Variants in TMPRSS4 observed in about 807,000 individuals in gnomAD.
TMPRSS4 encodes transmembrane serine protease 4, also known as transmembrane protease serine 4.
In TMPRSS4, 45 loss-of-function variants were observed where a neutral mutation model predicts 56.4. That is an observed-to-expected ratio of 0.80 (90% CI 0.63 to 1.02). TMPRSS4 has a LOEUF of 1.02. TMPRSS4 is among the 50% of genes least tolerant of loss of function. The pLI, the probability that TMPRSS4 is intolerant of heterozygous loss-of-function variation, is 0.00. For missense variants in TMPRSS4, 546 were observed against 556.7 expected, an observed-to-expected ratio of 0.98 and a Z score of 0.19; for synonymous variants, 205 against 211.0, an observed-to-expected ratio of 0.97 and a Z score of 0.25.
Position 118,118,975 on chromosome 11 carries a change from T to TA in TMPRSS4, c.*1065dup. 1 of 985,402 alleles carries TA rather than the reference T, an allele frequency of 1.0e-6. No homozygotes were observed. The highest frequency in any genetic ancestry group is 1.2e-6 in the Non-Finnish European group (1 of 829,918). The allele number at this position is 985,402 out of a possible 1,614,324, so 61.0% of individuals were successfully genotyped here. ...CCTGCACTCAAAATGGTCAAAGAAT[T>TA]AAACCCCATGGACTTTTTTGGCATC... On this transcript the variant is annotated 3_prime_UTR_variant, in exon 13 of 13. Coordinates refer to ENST00000437212, the MANE Select transcript of TMPRSS4 (RefSeq NM_019894.4).
At chr11:118,111,595 A>C in intron 7 of TMPRSS4, 146 bp from the exon 8 acceptor site, 1 of 566,226 alleles carries the variant, frequency 1.8e-6, no homozygotes, top group South Asian at 2.7e-5. Context: ...ACCTCCCATG[A>C]ATATCTCATA....
rs113325846 is a variant in TMPRSS4 at position 118,095,961 on chromosome 11, C to T, written c.43+1106C>T. ...TTAACTTAAACTAGGTATGAAAGCT[C>T]GTTCCTTCCTGATGGGGGAAGCAGA... is the stretch of plus-strand genomic sequence containing the variant. On this transcript the variant is annotated intron_variant, in intron 2 of 12. Coordinates refer to ENST00000437212, the MANE Select transcript of TMPRSS4 (RefSeq NM_019894.4). Among the ~76,000 whole-genome samples the T allele has an allele frequency of 1.7e-3, 256 of 152,316 alleles. 1 individual carries two copies. The highest frequency in any genetic ancestry group is 5.9e-3 in the African/African-American group (246 of 41,564).
At position 118,112,005 on chromosome 11, in the gene TMPRSS4, T is replaced by C. The variant is rs1223305616; in HGVS notation, c.743+105T>C. 1.3e-5 allele frequency: 19 copies of C among 1,459,840 alleles called. No individual in the cohort carries two copies. The Admixed American group carries it at 2.7e-4, about 21-fold the overall frequency. 90.4% of individuals were successfully genotyped at this position (1,459,840 alleles called of 1,614,324 possible). On this transcript the variant is annotated intron_variant, in intron 8 of 12. Coordinates refer to ENST00000437212, the MANE Select transcript of TMPRSS4 (RefSeq NM_019894.4). The stretch of plus-strand genomic sequence containing the variant: ...ACCGTCCTTCTCTTCACTCTCCCAC[T>C]AGAGACGTTTTCCAGGTTGTGGTGG...
At chr11:118,081,263 T>C (rs561107367) in intron 1 of TMPRSS4, among the ~76,000 whole-genome samples, 1 of 152,262 alleles carries the variant, frequency 6.6e-6, no homozygotes, top group South Asian at 2.1e-4. Flanking sequence ...AGTGTTTTTA[T>C]CCCAGAGGGG....
chr11:118,099,173 C>A, intron 3 of TMPRSS4, 75 bp downstream of exon 3: 1 of 1,244,700 alleles, frequency 8.0e-7, no homozygotes. Context: ...CGCACTCACC[C>A]CTGAATAAGT....
chr11:118,122,023 G>T (rs1246261824), downstream of TMPRSS4: 3 of 152,178 alleles, frequency 2.0e-5, no homozygotes, highest in Non-Finnish European at 2.9e-5. Context: ...GGAAATAAAA[G>T]TGTGTCACTT....
Position 118,113,255 on chromosome 11 carries a change from G to C in TMPRSS4, c.744-14G>C, listed in dbSNP as rs562012749. 1.2e-5 allele frequency: 20 copies of C among 1,612,462 alleles called. No homozygotes were observed. The Admixed American group carries it at 1.8e-4, about 15-fold the overall frequency. On this transcript the variant is annotated splice_polypyrimidine_tract_variant and intron_variant, in intron 8 of 12. Coordinates refer to ENST00000437212, the MANE Select transcript of TMPRSS4 (RefSeq NM_019894.4). ...GCTTGGATCAGGCCTGAACCCAGCT[G>C]TCTCTACCCCCAGGAAACATACCGA...
chr11:118,098,908 GA>G, intron 2 of TMPRSS4, 76 bp from the exon 3 acceptor site: 2 of 1,147,886 alleles, frequency 1.7e-6, no homozygotes, highest in Non-Finnish European at 2.6e-6. Flanking sequence ...CAGAAGGCAG[GA>G]GGCTGTGGAG....
intron 1 of TMPRSS4, among the ~76,000 whole-genome samples, chr11:118,088,054 G>T (rs1945697317): frequency 6.6e-6 from 1 of 152,196 alleles, no homozygotes; most frequent in Admixed American, 6.5e-5. Context: ...ACTGCATGCT[G>T]GTTATATCCA....
At position 118,103,103 on chromosome 11, in the gene TMPRSS4, A is replaced by G. The variant is rs761576534; in HGVS notation, c.160A>G (p.Lys54Glu). ...CTCTCCCTGCACTTGCCTTCCAGTC[A>G]AGGTGATTCTGGATAAATACTACTT... ...ASIIIVVVLI[K>E]VILDKYYFLC... Residue 54 changes from lysine (K) to glutamate (E), a missense_variant and splice_region_variant, in exon 4 of 13, where the codon AAG (lysine) becomes GAG (glutamate). Lys to Glu is a moderately conservative substitution (Grantham distance 56). Transcript: ENST00000437212. 1.2e-6 allele frequency: 2 copies of G among 1,613,922 alleles called. No homozygotes were observed. Among genetic ancestry groups the G allele is most frequent in the Admixed American group, 1.7e-5 (1 of 60,004 alleles).
Position 118,120,979 on chromosome 11 carries a change from T to C in TMPRSS4, c.*3066T>C, listed in dbSNP as rs1349650180. 1.3e-5 allele frequency: 2 copies of C among 152,132 alleles called. No homozygotes were observed. Among genetic ancestry groups the C allele is most frequent in the East Asian group, 3.9e-4 (2 of 5,194 alleles). 9.4% of individuals were successfully genotyped at this position (152,132 alleles called of 1,614,324 possible). On this transcript the variant is annotated 3_prime_UTR_variant, in exon 13 of 13. Coordinates refer to ENST00000437212, the MANE Select transcript of TMPRSS4 (RefSeq NM_019894.4). ...AACACCAAAGACAAAAAGAAACTCC[T>C]TATAGCAGCAGAGAGAAAACCCAGA...
In TMPRSS4 at chr11:118,103,107, T is replaced by C; in HGVS notation, c.164T>C (p.Val55Ala). The C allele has an allele frequency of 6.2e-7, 1 of 1,614,018 alleles. No homozygotes were observed. Among genetic ancestry groups the C allele is most frequent in the Non-Finnish European group, 8.5e-7 (1 of 1,179,986 alleles). ...SIIIVVVLIK[V>A]ILDKYYFLCG... Reference sequence around the variant, plus strand: ...CCCTGCACTTGCCTTCCAGTCAAGGTGATTCTGGATAAATACTACTTCCTC... The same window carrying C: ...CCCTGCACTTGCCTTCCAGTCAAGGCGATTCTGGATAAATACTACTTCCTC... The change falls in exon 4 of 13, where the codon GTG becomes GCG. Residue 55 changes from valine (V) to alanine (A), a missense_variant. Physicochemically the swap from Val to Ala is moderately conservative, Grantham distance 64. Coordinates refer to ENST00000437212, the MANE Select transcript of TMPRSS4 (RefSeq NM_019894.4).
downstream of TMPRSS4, among the ~76,000 whole-genome samples, chr11:118,124,661 T>C (rs530843968): frequency 1.3e-5 from 2 of 152,318 alleles, no homozygotes; most frequent in South Asian, 2.1e-4. Context: ...CACACTTCTC[T>C]CAATTATTGA....
At position 118,118,264 on chromosome 11, in the gene TMPRSS4, G is replaced by A. The variant is rs1041995123; in HGVS notation, c.*351G>A. ...TCTTGTAAAAGCCCAGATCACTGTG[G>A]GCTGGAGAGGAGAAGGAAAGGGTCT... is the stretch of plus-strand genomic sequence containing the variant. On this transcript the variant is annotated 3_prime_UTR_variant, in exon 13 of 13. Coordinates refer to ENST00000437212, the MANE Select transcript of TMPRSS4 (RefSeq NM_019894.4). 4.0e-5 allele frequency: 48 copies of A among 1,191,308 alleles called. No individual in the cohort carries two copies. Among genetic ancestry groups the A allele is most frequent in the Non-Finnish European group, 4.4e-5 (42 of 958,726 alleles). The allele number at this position is 1,191,308 out of a possible 1,614,324, so 73.8% of individuals were successfully genotyped here.
chr11:118,115,157 G>T lies in TMPRSS4; in HGVS notation c.1029G>T (p.Leu343=). ...KQNGGKMSDI[L]LQASVQVIDS... ...TCCCAGGGAAGATGTCTGACATACT[G>T]CTGCAGGCGTCAGTCCAGGTCATTG... Residue 343 remains leucine, a synonymous_variant, in exon 11 of 13, where the codon CTG becomes CTT. Coordinates refer to ENST00000437212, the MANE Select transcript of TMPRSS4 (RefSeq NM_019894.4). 6.2e-7 allele frequency: 1 copy of T among 1,611,680 alleles called. No individual in the cohort carries two copies. The highest frequency in any genetic ancestry group is 8.5e-7 in the Non-Finnish European group (1 of 1,179,286).
intron 7 of TMPRSS4, among the ~76,000 whole-genome samples, chr11:118,111,181 G>T (rs1029455600): frequency 2.6e-5 from 4 of 152,216 alleles, no homozygotes; most frequent in Admixed American, 6.5e-5. Context: ...GGGTGGAGAG[G>T]GGGGACCTGA....
chr11:118,118,762 G>T lies in TMPRSS4; in HGVS notation c.*849G>T. The T allele has an allele frequency of 1.0e-6, 1 of 985,400 alleles. No individual in the cohort carries two copies. Among genetic ancestry groups the T allele is most frequent in the Non-Finnish European group, 1.2e-6 (1 of 829,918 alleles). 61.0% of individuals were successfully genotyped at this position (985,400 alleles called of 1,614,324 possible). A position where few individuals can be genotyped will look rare whatever the true frequency, so the allele number is the denominator to read the frequency against. On this transcript the variant is annotated 3_prime_UTR_variant, in exon 13 of 13. Transcript: ENST00000437212. Reference sequence around the variant, plus strand: ...ATGACTTGGGAAAGAGATGAGTTAGGCAGTCAAGGGTGACATTCAATCAGG... The same window carrying T: ...ATGACTTGGGAAAGAGATGAGTTAGTCAGTCAAGGGTGACATTCAATCAGG...
chr11:118,092,638 G>T (rs540811105), intron 1 of TMPRSS4, among the ~76,000 whole-genome samples: 2 of 152,346 alleles, frequency 1.3e-5, no homozygotes, highest in East Asian at 1.9e-4. Context: ...TAATCTTGGG[G>T]CTAACGTTAG....
intron 1 of TMPRSS4, among the ~76,000 whole-genome samples, chr11:118,078,288 A>G (rs1944852343): frequency 2.0e-5 from 3 of 152,148 alleles, no homozygotes; most frequent in Non-Finnish European, 2.9e-5. Flanking sequence ...TTCCTTCTCC[A>G]GTCCTTGGCC....
Sources: gnomAD v4.1 joint callset for allele counts (sites outside exome capture counted in the v4.1 genomes callset) on GRCh38, gnomAD v4.1.1 for gene constraint, MANE v1.5 for transcripts, NCBI Gene and HGNC (gene_info 2026-07-23, HGNC 2026-07-21) for gene names.